Variants in MLPH observed in about 807,000 individuals in gnomAD.
MLPH encodes exophilin-3.
In MLPH, 51 loss-of-function variants were observed where a neutral mutation model predicts 72.1. The ratio of observed to expected loss-of-function variants is 0.71; its 90% CI spans 0.56 to 0.89. The LOEUF (loss-of-function observed/expected upper bound fraction) is 0.89, where lower values mean the gene tolerates loss of function less well. Among genes scored for constraint, MLPH ranks in the 40% least tolerant of loss-of-function variants. The pLI, the probability that MLPH is intolerant of heterozygous loss-of-function variation, is 0.00. For missense variants in MLPH, 743 were observed against 759.9 expected (o/e 0.98, Z 0.26); for synonymous variants, 301 against 310.1 (o/e 0.97, Z 0.31).
At chr2:237,495,808 C>T (rs1351057324) in intron 2 of MLPH, among the ~76,000 whole-genome samples, 2 of 152,170 alleles carry the variant, frequency 1.3e-5, no homozygotes, top group Admixed American at 6.5e-5. Context: ...TGGCCGGCCA[C>T]GACCACCTTC....
At chr2:237,492,207 A>T (rs139111961) in intron 1 of MLPH, among the ~76,000 whole-genome samples, 128 of 152,292 alleles carry the variant, frequency 8.4e-4, no homozygotes, top group African/African-American at 2.9e-3. Flanking sequence ...TCCTTTGGAC[A>T]TTGATTGGGA....
chr2:237,536,886 C>A (rs2080542755), intron 9 of MLPH, among the ~76,000 whole-genome samples: 1 of 152,104 alleles, frequency 6.6e-6, no homozygotes, highest in Non-Finnish European at 1.5e-5. Context: ...CTCGCTCTGG[C>A]TCTTGTTGGT....
At chr2:237,504,514 G>A (rs553160781) in intron 2 of MLPH, among the ~76,000 whole-genome samples, 80 of 152,354 alleles carry the variant, frequency 5.3e-4, no homozygotes, top group African/African-American at 1.7e-3. Context: ...CACCGCAACT[G>A]ACCAGCATTT....
At chr2:237,491,060 G>T (rs1428936071) in intron 1 of MLPH, among the ~76,000 whole-genome samples, 4 of 152,134 alleles carry the variant, frequency 2.6e-5, no homozygotes, top group African/African-American at 9.7e-5. Flanking sequence ...AATGGTATCT[G>T]CCCAGAAAAT....
chr2:237,493,618 G>T (rs2079473895), intron 2 of MLPH, 82 bp downstream of exon 2: 1 of 1,014,630 alleles, frequency 9.9e-7, no homozygotes, highest in Admixed American at 1.7e-5. Context: ...GTCTGGGTGG[G>T]TCAACAGCCA....
At chr2:237,539,232 G>C (rs2080612726) in intron 9 of MLPH, among the ~76,000 whole-genome samples, 2 of 152,230 alleles carry the variant, frequency 1.3e-5, no homozygotes, top group African/African-American at 4.8e-5. Context: ...GTGGAGGTGG[G>C]GGTGAGGCAG....
intron 8 of MLPH, among the ~76,000 whole-genome samples, chr2:237,527,987 T>A (rs1486280779): frequency 6.6e-6 from 1 of 152,222 alleles, no homozygotes; most frequent in Non-Finnish European, 1.5e-5. Flanking sequence ...AGACCATGGA[T>A]GAACCTGGAG....
rs2079965052 is a variant in MLPH at position 237,514,122 on chromosome 2, G to T, written c.445+3021G>T. Among the ~76,000 whole-genome samples the T allele has an allele frequency of 2.6e-5, 4 of 152,152 alleles. No homozygotes were observed. In the South Asian group the frequency reaches 8.3e-4, roughly 32 times the overall value. On this transcript the variant is annotated intron_variant, in intron 4 of 15. Transcript: ENST00000264605. ...ACAAGGCCGGACCTGCTGCTAATAG[G>T]CTGAGTGGGGAACCTAGCAAGGTCT...
chr2:237,522,963 A>C (rs1278921433), intron 6 of MLPH, among the ~76,000 whole-genome samples: 1 of 152,258 alleles, frequency 6.6e-6, no homozygotes, highest in Non-Finnish European at 1.5e-5. Flanking sequence ...TGAGTCCTAC[A>C]CCTTCTCATC....
rs1314180616 is a variant in MLPH at position 237,553,928 on chromosome 2, C to T, written c.*336C>T. The T allele has an allele frequency of 1.3e-5, 6 of 457,302 alleles. No individual in the cohort carries two copies. The highest frequency in any genetic ancestry group is 2.5e-5 in the Non-Finnish European group (6 of 244,398). The allele number at this position is 457,302 out of a possible 1,614,324, so 28.3% of individuals were successfully genotyped here. A position where few individuals can be genotyped will look rare whatever the true frequency, so the allele number is the denominator to read the frequency against. ...TTATACTGTGATCTTTTACCCCTTT[C>T]ACTCTTGGCTTTCTTATGTTGCTTT... is the stretch of plus-strand genomic sequence containing the variant. On this transcript the variant is annotated 3_prime_UTR_variant, in exon 16 of 16. Coordinates refer to ENST00000264605, the MANE Select transcript of MLPH (RefSeq NM_024101.7).
At chr2:237,539,327 G>C (rs2080615994) in intron 9 of MLPH, among the ~76,000 whole-genome samples, 1 of 152,228 alleles carries the variant, frequency 6.6e-6, no homozygotes, top group Non-Finnish European at 1.5e-5. Flanking sequence ...GCCTCGCGTA[G>C]GCAGAGCCAA....
intron 14 of MLPH, chr2:237,551,999 C>G: frequency 5.2e-6 from 1 of 193,986 alleles, no homozygotes; most frequent in Non-Finnish European, 1.0e-5. Flanking sequence ...AAAGAAAGAA[C>G]AAAAAAGAAA....
At chr2:237,517,595 G>A (rs982120263) in intron 4 of MLPH, among the ~76,000 whole-genome samples, 4 of 151,320 alleles carry the variant, frequency 2.6e-5, no homozygotes, top group East Asian at 2.0e-4. Context: ...GGATGAAGTC[G>A]GGAGGGATGA....
At chr2:237,525,873 C>T in intron 7 of MLPH, 68 bp downstream of exon 7, 1 of 1,461,678 alleles carries the variant, frequency 6.8e-7, no homozygotes, top group Non-Finnish European at 9.4e-7. Flanking sequence ...GAGGAACAAC[C>T]CCACCACCCT....
chr2:237,520,472 C>G (rs2080156786), intron 6 of MLPH, among the ~76,000 whole-genome samples: 1 of 152,128 alleles, frequency 6.6e-6, no homozygotes, highest in Admixed American at 6.6e-5. Context: ...TAGGACAGTC[C>G]TGTGATGCTG....
Position 237,510,889 on chromosome 2 carries a change from A to ATGCACACACTCG in MLPH, c.332+97_333-86dup. ...TAGCTGAAGAAGGGTGGACGCACAC[A>ATGCACACACTCG]TGCACACACTCGTGTGTGTGTGTGT... On this transcript the variant is annotated intron_variant, in intron 3 of 15. Transcript: ENST00000264605. This position sits in a 1 kb window ranked among gnomAD's most constrained non-coding sequence, Gnocchi z 4.4. 1.3e-6 allele frequency: 2 copies of ATGCACACACTCG among 1,531,912 alleles called. No individual in the cohort carries two copies. Among genetic ancestry groups the ATGCACACACTCG allele is most frequent in the African/African-American group, 1.4e-5 (1 of 69,102 alleles). The allele number at this position is 1,531,912 out of a possible 1,614,324, so 94.9% of individuals were successfully genotyped here. A position where few individuals can be genotyped will look rare whatever the true frequency, so the allele number is the denominator to read the frequency against.
chr2:237,495,360 C>G (rs1400538826), intron 2 of MLPH, among the ~76,000 whole-genome samples: 1 of 152,186 alleles, frequency 6.6e-6, no homozygotes, highest in African/African-American at 2.4e-5. Context: ...ACATGAATGC[C>G]TTGGGGCAGG....
chr2:237,513,742 C>T (rs2106301764), intron 4 of MLPH, among the ~76,000 whole-genome samples: 1 of 152,190 alleles, frequency 6.6e-6, no homozygotes, highest in Non-Finnish European at 1.5e-5. Flanking sequence ...CCCCAGGCCC[C>T]AGAAAGCTCA....
At chr2:237,518,216 A>G in intron 4 of MLPH, 1 of 431,784 alleles carries the variant, frequency 2.3e-6, no homozygotes, top group Non-Finnish European at 4.4e-6. Context: ...AGATGGGTGG[A>G]GGATAGATAG....
Sources: gnomAD v4.1 joint callset for allele counts (sites outside exome capture counted in the v4.1 genomes callset) on GRCh38, gnomAD v4.1.1 for gene constraint, Gnocchi (gnomAD v3.1) non-coding constraint, MANE v1.5 for transcripts, NCBI Gene and HGNC (gene_info 2026-07-23, HGNC 2026-07-21) for gene names.